Variants in HIP1R observed in about 807,000 individuals in gnomAD.
HIP1R encodes huntingtin interacting protein 1 related.
Under a neutral mutation model 144.2 loss-of-function variants are expected in HIP1R, and 135 were observed. The ratio of observed to expected loss-of-function variants is 0.94; its 90% CI spans 0.81 to 1.08. The LOEUF (loss-of-function observed/expected upper bound fraction) is 1.08, where lower values mean the gene tolerates loss of function less well. Among genes scored for constraint, HIP1R ranks in the 50% least tolerant of loss-of-function variants. The pLI is 0.00. For synonymous variants in HIP1R, 698 were observed against 612.8 expected (o/e 1.14, Z -2.05); for missense variants, 1,462 against 1,432.8 (o/e 1.02, Z -0.33).
intron 1 of HIP1R, among the ~76,000 whole-genome samples, chr12:122,842,825 C>T (rs985358676): frequency 1.3e-5 from 2 of 152,248 alleles, no homozygotes; most frequent in Non-Finnish European, 1.5e-5. Context: ...CTGGGGTGTG[C>T]CCCATGAGTC....
At chr12:122,837,272 A>T (rs79798267) in intron 1 of HIP1R, among the ~76,000 whole-genome samples, 15,862 of 152,066 alleles carry the variant, frequency 0.1, 1,420 homozygotes, top group African/African-American at 0.24. Flanking sequence ...AATCTCTGAT[A>T]CAGGACCACA....
In HIP1R at chr12:122,856,472, G is replaced by A. The variant is rs754992816; in HGVS notation, c.1442G>A (p.Ser481Asn). 52 of 1,589,738 alleles carry A rather than the reference G, an allele frequency of 3.3e-5. No homozygotes were observed. Among genetic ancestry groups the A allele is most frequent in the Non-Finnish European group, 4.0e-5 (47 of 1,167,654 alleles). Residue 481 changes from serine to asparagine, a missense_variant, in exon 16 of 32, where the codon AGC becomes AAC. Ser to Asn is a conservative substitution (Grantham distance 46). Around this residue, in one of 2 missense-constraint regions of HIP1R, gnomAD observed 1,112 missense variants for 1,011.7 expected, o/e 1.10. Coordinates refer to ENST00000253083, the MANE Select transcript of HIP1R (RefSeq NM_003959.3). ...AAGCAGCTGACGGTGACGCAGCAAA[G>A]CCAGGAGGAGGTGGCGCGGGTGAAG... Reference protein sequence around the residue: ...TAKQLTVTQQSQEEVARVKEQ... With the variant: ...TAKQLTVTQQNQEEVARVKEQ...
chr12:122,860,458 C>G lies in HIP1R; in HGVS notation c.2595C>G (p.Asn865Lys). Residue 865 changes from asparagine (N) to lysine (K), a missense_variant, in exon 27 of 32, where the codon AAC (asparagine) becomes AAG (lysine). Transcript: ENST00000253083. The stretch of plus-strand genomic sequence containing the variant: ...CGCAGCAGGAATTTTACGCCAAGAA[C>G]TCGCGCTGGACCGAAGGCCTCATCT... ...AATQQEFYAK[N>K]SRWTEGLISA... is the part of the protein sequence containing the mutation. 6.2e-7 allele frequency: 1 copy of G among 1,613,444 alleles called. No individual in the cohort carries two copies. Among genetic ancestry groups the G allele is most frequent in the Non-Finnish European group, 8.5e-7 (1 of 1,180,022 alleles).
At chr12:122,859,235 C>T in intron 22 of HIP1R, 38 bp downstream of exon 22, 1 of 1,553,658 alleles carries the variant, frequency 6.4e-7, no homozygotes, top group Non-Finnish European at 8.7e-7. Flanking sequence ...GAGGCTTGGG[C>T]CTGCCTCTGA....
intron 17 of HIP1R, 72 bp downstream of exon 17, chr12:122,856,798 C>T (rs1037420350): frequency 5.2e-5 from 69 of 1,319,732 alleles, no homozygotes; most frequent in African/African-American, 4.8e-4. Context: ...TCCTCTTTCC[C>T]GTGAACAGGC....
At chr12:122,834,803 ATGCATCC>A, upstream of HIP1R, 1 of 487,300 alleles carries the variant, frequency 2.1e-6, no homozygotes, top group Non-Finnish European at 3.5e-6. Flanking sequence ...GTCTCTGGAA[ATGCATCC>A]TGCATCCCCG....
intron 11 of HIP1R, 70 bp from the exon 12 acceptor site, chr12:122,855,480 AG>A: frequency 6.5e-7 from 1 of 1,546,834 alleles, no homozygotes; most frequent in Admixed American, 2.0e-5. Context: ...TCGGGTGGCC[AG>A]CCCTCCCTTT....
Position 122,859,119 on chromosome 12 carries a change from G to A in HIP1R, c.2217G>A (p.Leu739=). ...GARALELMGQ[L]QDQQALRHMQ... ...GGGCTCTGGAGCTCATGGGGCAGCT[G>A]CAGGACCAGCAGGCTCTGCGGCACA... Residue 739 remains leucine, a synonymous_variant, in exon 22 of 32, where the codon CTG becomes CTA. Coordinates refer to ENST00000253083, the MANE Select transcript of HIP1R (RefSeq NM_003959.3). 1 of 1,595,390 alleles carries A rather than the reference G, an allele frequency of 6.3e-7. No homozygotes were observed. Among genetic ancestry groups the A allele is most frequent in the Admixed American group, 1.7e-5 (1 of 57,184 alleles).
At chr12:122,850,801 T>G in intron 5 of HIP1R, 34 bp from the exon 6 acceptor site, 1 of 1,561,864 alleles carries the variant, frequency 6.4e-7, no homozygotes, top group Non-Finnish European at 8.7e-7. Flanking sequence ...GGGGCCCTGG[T>G]TCAGTGGCCG....
chr12:122,851,870 T>C (rs553073473), intron 7 of HIP1R, among the ~76,000 whole-genome samples: 4 of 151,680 alleles, frequency 2.6e-5, no homozygotes, highest in Non-Finnish European at 5.9e-5. Context: ...ACAGGGAGGG[T>C]GAGGAGGTGT....
At chr12:122,848,366 G>T in intron 2 of HIP1R, 100 bp from the exon 3 acceptor site, 1 of 1,430,636 alleles carries the variant, frequency 7.0e-7, no homozygotes, top group East Asian at 2.3e-5. Flanking sequence ...GCACGTGATT[G>T]GGGGCCGGCC....
At position 122,861,372 on chromosome 12, in the gene HIP1R, A is replaced by T; in HGVS notation, c.3017A>T (p.Lys1006Met). 1 of 1,613,618 alleles carries T rather than the reference A, an allele frequency of 6.2e-7. No homozygotes were observed. Among genetic ancestry groups the T allele is most frequent in the African/African-American group, 1.3e-5 (1 of 75,034 alleles). ...CGCATGCGGCTGGGGGAGTTGCGGA[A>T]GCAACACTACGTGCTGGCTGGGGCA... ...AERMRLGELR[K>M]QHYVLAGASG... The change falls in exon 31 of 32, where the codon AAG (lysine) becomes ATG (methionine). Residue 1006 changes from lysine (K) to methionine (M), a missense_variant. Lys to Met is a moderately conservative substitution (Grantham distance 95). Coordinates refer to ENST00000253083, the MANE Select transcript of HIP1R (RefSeq NM_003959.3).
rs2033803773 is a variant in HIP1R, at chr12:122,862,614, G to A, written c.*861G>A. ...CAGCCAGAAAAAGCCCAGAAACCCA[G>A]GTGCTGGACCAGGGCCCTCAGGGAG... On this transcript the variant is annotated 3_prime_UTR_variant, in exon 32 of 32. Transcript: ENST00000253083. 6.6e-6 allele frequency: 1 copy of A among 152,368 alleles called. No individual in the cohort carries two copies. Among genetic ancestry groups the A allele is most frequent in the South Asian group, 2.1e-4 (1 of 4,840 alleles). 9.4% of individuals were successfully genotyped at this position (152,368 alleles called of 1,614,324 possible).
chr12:122,835,636 A>C lies in HIP1R; in HGVS notation c.86A>C (p.Lys29Thr). The change falls in exon 1 of 32, where the codon AAG (lysine) becomes ACG (threonine). Residue 29 changes from lysine (K) to threonine (T), a missense_variant. Around this residue, in one of 2 missense-constraint regions of HIP1R, gnomAD observed 350 missense variants for 421.1 expected, o/e 0.83. Coordinates refer to ENST00000253083, the MANE Select transcript of HIP1R (RefSeq NM_003959.3). The stretch of plus-strand genomic sequence containing the variant: ...GAGGCCGAGCGCGAGCAGTTCGACA[A>C]GACCCAGGCGAGCGGGCGGCGGGCG... Reference protein sequence around the residue: ...SLEAEREQFDKTQAISISKAI... With the variant: ...SLEAEREQFDTTQAISISKAI... 8.4e-7 allele frequency: 1 copy of C among 1,187,530 alleles called. No homozygotes were observed. Among genetic ancestry groups the C allele is most frequent in the African/African-American group, 1.7e-5 (1 of 58,012 alleles). 73.6% of individuals were successfully genotyped at this position (1,187,530 alleles called of 1,614,324 possible).
intron 1 of HIP1R, among the ~76,000 whole-genome samples, chr12:122,839,892 C>G (rs748687): frequency 2.0e-5 from 3 of 152,174 alleles, no homozygotes. Context: ...ACTCACAGCC[C>G]GCACCGGCCA....
Position 122,860,999 on chromosome 12 carries a change from G to A in HIP1R, c.2850G>A (p.Val950=). Residue 950 remains valine (V), a synonymous_variant, in exon 29 of 32, where the codon GTG becomes GTA. Coordinates refer to ENST00000253083, the MANE Select transcript of HIP1R (RefSeq NM_003959.3). The part of the protein sequence containing the change: ...RTVNERAANV[V]ASTKSGQEQI... Reference sequence around the variant, plus strand: ...TCAATGAGAGGGCTGCCAATGTGGTGGCCTCCACCAAGTCAGGCCAGGAGC... The same window carrying A: ...TCAATGAGAGGGCTGCCAATGTGGTAGCCTCCACCAAGTCAGGCCAGGAGC... 6.2e-7 allele frequency: 1 copy of A among 1,613,714 alleles called. No homozygotes were observed. Among genetic ancestry groups the A allele is most frequent in the Non-Finnish European group, 8.5e-7 (1 of 1,180,020 alleles).
upstream of HIP1R, chr12:122,835,441 C>A (rs2032851854): frequency 8.7e-7 from 1 of 1,144,086 alleles, no homozygotes; most frequent in Non-Finnish European, 1.1e-6. Context: ...CCCCGGCGGG[C>A]GGGCCCGGGC....
intron 8 of HIP1R, among the ~76,000 whole-genome samples, chr12:122,854,438 C>CCCAGGCATTCCTG (rs1189171136): frequency 1.3e-5 from 2 of 151,744 alleles, no homozygotes; most frequent in Non-Finnish European, 2.9e-5. Flanking sequence ...TCGGCCAAGA[C>CCCAGGCATTCCTG]GGAGGCCCCA....
upstream of HIP1R, chr12:122,835,284 C>CG (rs1364389480): frequency 3.3e-6 from 1 of 302,514 alleles, no homozygotes; most frequent in Non-Finnish European, 4.1e-6. Context: ...CCCGAGATCG[C>CG]GGGGGGTGGG....
Sources: allele counts gnomAD v4.1 joint callset (sites outside exome capture counted in the v4.1 genomes callset), GRCh38; gene constraint gnomAD v4.1.1; regional missense constraint gnomAD v4.1.1; transcripts MANE v1.5; gene names NCBI Gene and HGNC (gene_info 2026-07-23, HGNC 2026-07-21).